The following SENP7 variants were observed in gnomAD, a reference collection of about 807,000 sequenced individuals.
SENP7 encodes SUMO specific peptidase 7.
Under a neutral mutation model 141.2 loss-of-function variants are expected in SENP7, and 64 were observed. The observed-to-expected ratio is 0.45, with a 90% CI of 0.37 to 0.56. The LOEUF (loss-of-function observed/expected upper bound fraction) is 0.56. Among genes scored for constraint, SENP7 ranks in the 20% least tolerant of loss-of-function variants. The pLI is 0.00. For synonymous variants in SENP7, 382 were observed against 426.4 expected, an observed-to-expected ratio of 0.90 and a Z score of 1.28; for missense variants, 1,025 against 1,212.2, an observed-to-expected ratio of 0.85 and a Z score of 2.29.
intron 3 of SENP7, among the ~76,000 whole-genome samples, chr3:101,482,107 G>A (rs565140493): frequency 1.3e-5 from 2 of 152,090 alleles, no homozygotes; most frequent in African/African-American, 4.8e-5. Context: ...TCAGGAGATC[G>A]AGACCATCCT....
At chr3:101,376,785 T>TA (rs780417987) in intron 6 of SENP7, among the ~76,000 whole-genome samples, 26 of 150,444 alleles carry the variant, frequency 1.7e-4, no homozygotes, top group East Asian at 3.9e-4. Flanking sequence ...AAAGTATAAT[T>TA]TAAAAAAATG....
chr3:101,350,973 C>T (rs544657597), intron 12 of SENP7, among the ~76,000 whole-genome samples: 2 of 152,092 alleles, frequency 1.3e-5, no homozygotes, highest in African/African-American at 4.8e-5. Context: ...TCCAACTAAT[C>T]CAACTAAAGC....
At chr3:101,495,154 C>T (rs1303524291) in intron 2 of SENP7, among the ~76,000 whole-genome samples, 1 of 151,914 alleles carries the variant, frequency 6.6e-6, no homozygotes, top group Non-Finnish European at 1.5e-5. Context: ...CACATGTGGC[C>T]GACATCACTG....
intron 3 of SENP7, among the ~76,000 whole-genome samples, chr3:101,473,570 C>A (rs1462753463): frequency 6.6e-6 from 1 of 152,090 alleles, no homozygotes; most frequent in Non-Finnish European, 1.5e-5. Flanking sequence ...CCTTGGCCCA[C>A]TTTATAATGG....
chr3:101,413,664 A>G lies in SENP7; in HGVS notation c.482+3929T>C, dbSNP rs143352557. On this transcript the variant is annotated intron_variant, in intron 5 of 23. Transcript: ENST00000394095. ...ATGATATACTAACAAGCTGTTTAGC[A>G]AGAAAAAGAAAGGGATCATATATAG... Among the ~76,000 whole-genome samples the G allele has an allele frequency of 3.9e-3, 586 of 152,148 alleles. 10 individuals carry two copies. In the East Asian group the frequency reaches 0.058, roughly 15 times the overall value.
chr3:101,422,116 G>A (rs950906685), intron 4 of SENP7, among the ~76,000 whole-genome samples: 7 of 152,082 alleles, frequency 4.6e-5, no homozygotes, highest in Admixed American at 1.3e-4. Context: ...CATTAGATTC[G>A]CATAGGAGCA....
intron 11 of SENP7, chr3:101,357,220 C>T (rs183874911): frequency 1.2e-3 from 378 of 311,452 alleles, no homozygotes; most frequent in African/African-American, 7.8e-3. Context: ...AGGCTGGTCT[C>T]GCACTCCTGA....
chr3:101,344,550 G>C (rs2059405669), intron 13 of SENP7, among the ~76,000 whole-genome samples: 1 of 152,124 alleles, frequency 6.6e-6, no homozygotes, highest in Non-Finnish European at 1.5e-5. Context: ...AAAAGGTAGA[G>C]GGATCAAACA....
In SENP7 at chr3:101,343,903, C is replaced by G; in HGVS notation, c.1889G>C (p.Arg630Thr). 1.9e-6 allele frequency: 3 copies of G among 1,610,960 alleles called. 1 individual carries two copies. In the South Asian group the frequency reaches 3.3e-5, roughly 18 times the overall value. ...AATATCTTTCAGCTTCAATTCTTCT[C>G]TTTGTGAAACAGGATTGTGTAGTTC... ...FLELHNPVSQ[R>T]EELKLKDIMT... Residue 630 changes from arginine to threonine, a missense_variant, in exon 14 of 24, where the codon AGA (arginine) becomes ACA (threonine). Transcript: ENST00000394095.
At chr3:101,388,253 T>A (rs1390367210) in intron 6 of SENP7, among the ~76,000 whole-genome samples, 1 of 151,930 alleles carries the variant, frequency 6.6e-6, no homozygotes, top group Non-Finnish European at 1.5e-5. Flanking sequence ...GACCAGCACA[T>A]CCAGCCTGCC....
At chr3:101,330,839 C>G (rs2059029255) in intron 19 of SENP7, among the ~76,000 whole-genome samples, 1 of 152,130 alleles carries the variant, frequency 6.6e-6, no homozygotes, top group African/African-American at 2.4e-5. Flanking sequence ...TGGGTTTTGG[C>G]CAGTATTAAT....
At chr3:101,501,386 A>C (rs1251875992) in intron 1 of SENP7, among the ~76,000 whole-genome samples, 2 of 151,662 alleles carry the variant, frequency 1.3e-5, no homozygotes. Flanking sequence ...GAAAAGAAAG[A>C]GGAAAACTTG....
At chr3:101,427,482 A>G (rs2062000493) in intron 4 of SENP7, among the ~76,000 whole-genome samples, 1 of 125,854 alleles carries the variant, frequency 7.9e-6, no homozygotes, top group Non-Finnish European at 1.7e-5. Flanking sequence ...AGAGCAAGAC[A>G]CTGTCTCCAA....
intron 6 of SENP7, among the ~76,000 whole-genome samples, chr3:101,391,120 T>C (rs2060803921): frequency 6.6e-6 from 1 of 151,698 alleles, no homozygotes; most frequent in Admixed American, 6.6e-5. Flanking sequence ...TTTATAGCAG[T>C]AAACACCTAA....
At chr3:101,475,125 A>G (rs2064163387) in intron 3 of SENP7, among the ~76,000 whole-genome samples, 1 of 152,060 alleles carries the variant, frequency 6.6e-6, no homozygotes, top group South Asian at 2.1e-4. Context: ...AAAAACTTAA[A>G]AAGAGACAAG....
At position 101,343,883 on chromosome 3, in the gene SENP7, C is replaced by A. The variant is rs57002332; in HGVS notation, c.1909G>T (p.Asp637Tyr). Residue 637 changes from aspartate to tyrosine, a missense_variant, in exon 14 of 24, where the codon GAT (aspartate) becomes TAT (tyrosine). Asp to Tyr is a radical substitution (Grantham distance 160). Around this residue, in one of 4 missense-constraint regions of SENP7, gnomAD observed 228 missense variants for 228.5 expected, o/e 1.00. Transcript: ENST00000394095. ...VSQREELKLKDIMTEISIISG... is the reference protein window; with the variant it reads ...VSQREELKLKYIMTEISIISG... ...ATTATACTTATTTCCGTCATAATAT[C>A]TTTCAGCTTCAATTCTTCTCTTTGT... 3.5e-3 allele frequency: 5,604 copies of A among 1,612,534 alleles called. 172 individuals are homozygous for A. In the African/African-American group the frequency reaches 0.064, roughly 18 times the overall value.
intron 14 of SENP7, among the ~76,000 whole-genome samples, chr3:101,342,972 G>C (rs1166286103): frequency 1.3e-5 from 2 of 151,934 alleles, no homozygotes; most frequent in Non-Finnish European, 1.5e-5. Context: ...GGCCAACCTT[G>C]ATACTTCTAA....
chr3:101,353,527 TAAG>T (rs1228276795), intron 11 of SENP7, among the ~76,000 whole-genome samples: 1 of 151,960 alleles, frequency 6.6e-6, no homozygotes, highest in African/African-American at 2.4e-5. Flanking sequence ...GATTTAAAAA[TAAG>T]AAAAATTTTG....
intron 16 of SENP7, among the ~76,000 whole-genome samples, chr3:101,339,122 T>C (rs1241716030): frequency 6.6e-6 from 1 of 152,142 alleles, no homozygotes; most frequent in Non-Finnish European, 1.5e-5. Flanking sequence ...ATGGAAGATA[T>C]AAAAAAGACC....
Sources: allele counts gnomAD v4.1 joint callset (sites outside exome capture counted in the v4.1 genomes callset), GRCh38; gene constraint gnomAD v4.1.1; regional missense constraint gnomAD v4.1.1; transcripts MANE v1.5; gene names NCBI Gene and HGNC (gene_info 2026-07-23, HGNC 2026-07-21).